The following MACROD2 variants were observed in gnomAD, a reference collection of about 807,000 sequenced individuals.
MACROD2 encodes ADP-ribose glycohydrolase MACROD2.
MACROD2 carries 36 observed loss-of-function variants against 70.4 expected under a neutral mutation model. The observed-to-expected ratio is 0.51, with a 90% CI of 0.39 to 0.68. MACROD2 has a LOEUF of 0.68. Among genes scored for constraint, MACROD2 ranks in the 30% least tolerant of loss-of-function variants. The pLI, the probability that MACROD2 is intolerant of heterozygous loss-of-function variation, is 0.00. For synonymous variants in MACROD2, 172 were observed against 178.8 expected (o/e 0.96, Z 0.30); for missense variants, 496 against 538.4 (o/e 0.92, Z 0.78).
chr20:15,823,018 C>T (rs1356536718), intron 8 of MACROD2, among the ~76,000 whole-genome samples: 4 of 152,178 alleles, frequency 2.6e-5, no homozygotes, highest in African/African-American at 9.7e-5. Context: ...GAGTTAAAAT[C>T]TATTATAGCA....
intron 3 of MACROD2, among the ~76,000 whole-genome samples, chr20:14,241,156 G>A (rs184852414): frequency 8.7e-4 from 132 of 152,214 alleles, no homozygotes; most frequent in Non-Finnish European, 1.4e-3. Flanking sequence ...AAAAGAACAC[G>A]AAGAAGTATT....
intron 5 of MACROD2, among the ~76,000 whole-genome samples, chr20:14,957,641 G>C (rs1022025639): frequency 6.6e-6 from 1 of 152,182 alleles, no homozygotes; most frequent in Non-Finnish European, 1.5e-5. Flanking sequence ...TGATAGTGAT[G>C]TCTGACCCAG....
At chr20:15,378,102 G>T (rs1479375549) in intron 6 of MACROD2, among the ~76,000 whole-genome samples, 2 of 151,460 alleles carry the variant, frequency 1.3e-5, no homozygotes, top group Non-Finnish European at 2.9e-5. Context: ...TAACAAACCT[G>T]CACGTTCTGC....
intron 12 of MACROD2, among the ~76,000 whole-genome samples, chr20:15,967,190 G>A (rs530028768): frequency 1.3e-5 from 2 of 152,114 alleles, no homozygotes; most frequent in Non-Finnish European, 2.9e-5. Flanking sequence ...AGTAATGGAA[G>A]CATTAAGAAC....
At chr20:14,563,044 C>T (rs1979542148) in intron 4 of MACROD2, among the ~76,000 whole-genome samples, 1 of 151,868 alleles carries the variant, frequency 6.6e-6, no homozygotes, top group East Asian at 1.9e-4. Flanking sequence ...TGCAGTCACA[C>T]CTTTACTTGG....
intron 4 of MACROD2, among the ~76,000 whole-genome samples, chr20:14,641,100 T>G (rs1246631225): frequency 2.0e-5 from 3 of 152,244 alleles, no homozygotes; most frequent in Non-Finnish European, 4.4e-5. Context: ...ACTAAGTTTA[T>G]GTAATATTCT....
intron 5 of MACROD2, among the ~76,000 whole-genome samples, chr20:15,195,674 G>A (rs545576865): frequency 1.3e-5 from 2 of 152,224 alleles, no homozygotes; most frequent in African/African-American, 4.8e-5. Flanking sequence ...ACAGTGTGGC[G>A]ATCCTTTAAA....
intron 8 of MACROD2, among the ~76,000 whole-genome samples, chr20:15,684,881 T>C (rs973325426): frequency 1.3e-5 from 2 of 152,208 alleles, no homozygotes; most frequent in East Asian, 3.8e-4. Flanking sequence ...ATTATTTTGA[T>C]GCGAAAGGAT....
intron 6 of MACROD2, among the ~76,000 whole-genome samples, chr20:15,270,720 G>C (rs1280616755): frequency 6.6e-6 from 1 of 152,106 alleles, no homozygotes; most frequent in Admixed American, 6.5e-5. Flanking sequence ...TGCCTCTCGT[G>C]CTTGATCTTT....
chr20:15,063,609 T>C (rs2075551380), intron 5 of MACROD2, among the ~76,000 whole-genome samples: 1 of 152,178 alleles, frequency 6.6e-6, no homozygotes, highest in Non-Finnish European at 1.5e-5. Flanking sequence ...CAAATAAATA[T>C]ACTTTACCAG....
chr20:15,463,761 A>T (rs1331455175), intron 7 of MACROD2, among the ~76,000 whole-genome samples: 2 of 152,174 alleles, frequency 1.3e-5, no homozygotes, highest in African/African-American at 2.4e-5. Context: ...AAAACAAACA[A>T]ACAAAAAACT....
At chr20:15,207,921 T>C (rs1193499288) in intron 5 of MACROD2, among the ~76,000 whole-genome samples, 1 of 152,240 alleles carries the variant, frequency 6.6e-6, no homozygotes, top group African/African-American at 2.4e-5. Flanking sequence ...TTAAGTTCAC[T>C]AAACTTTTTG....
intron 6 of MACROD2, among the ~76,000 whole-genome samples, chr20:15,317,215 A>G (rs2077820492): frequency 6.6e-6 from 1 of 152,122 alleles, no homozygotes; most frequent in Non-Finnish European, 1.5e-5. Flanking sequence ...TAGAGCAGAG[A>G]TAAATGAAAT....
At chr20:14,220,294 G>A (rs1053918064) in intron 3 of MACROD2, among the ~76,000 whole-genome samples, 1 of 151,994 alleles carries the variant, frequency 6.6e-6, no homozygotes, top group Non-Finnish European at 1.5e-5. Context: ...AGTCATGCAG[G>A]TTGTCAGGGA....
intron 2 of MACROD2, among the ~76,000 whole-genome samples, chr20:14,034,792 A>G (rs910367826): frequency 6.6e-6 from 1 of 152,208 alleles, no homozygotes; most frequent in Non-Finnish European, 1.5e-5. Flanking sequence ...TCATTTGCTC[A>G]TTTAAAAAAA....
intron 4 of MACROD2, among the ~76,000 whole-genome samples, chr20:14,569,622 T>A (rs1268012715): frequency 6.6e-6 from 1 of 151,622 alleles, no homozygotes; most frequent in African/African-American, 2.4e-5. Flanking sequence ...TAGGTGTGAG[T>A]GTTGATAATG....
At chr20:15,973,688 G>C (rs1383456207) in intron 13 of MACROD2, among the ~76,000 whole-genome samples, 1 of 152,134 alleles carries the variant, frequency 6.6e-6, no homozygotes, top group Non-Finnish European at 1.5e-5. Flanking sequence ...CACTCAGATT[G>C]ACTTAAACTC....
intron 2 of MACROD2, among the ~76,000 whole-genome samples, chr20:14,075,234 GA>G (rs945175815): frequency 9.2e-5 from 14 of 152,252 alleles, no homozygotes; most frequent in African/African-American, 3.4e-4. Flanking sequence ...TGTGAAAAAG[GA>G]AAAAAATTTG....
chr20:14,627,549 A>G (rs888247426), intron 4 of MACROD2, among the ~76,000 whole-genome samples: 4 of 152,218 alleles, frequency 2.6e-5, no homozygotes, highest in Non-Finnish European at 5.9e-5. Flanking sequence ...ATACTCCTCA[A>G]TAAACTTCCT....
Sources: gnomAD v4.1 joint callset for allele counts (sites outside exome capture counted in the v4.1 genomes callset) on GRCh38, gnomAD v4.1.1 for gene constraint, MANE v1.5 for transcripts, NCBI Gene and HGNC (gene_info 2026-07-23, HGNC 2026-07-21) for gene names.